COP1: variants seen among roughly 807,000 people sequenced by gnomAD.
COP1 encodes the protein E3 ubiquitin-protein ligase COP1.
COP1 carries 24 observed loss-of-function variants against 101.3 expected under a neutral mutation model. That is an observed-to-expected ratio of 0.24 (90% confidence interval 0.17 to 0.33). The LOEUF is 0.33. Among genes scored for constraint, COP1 ranks in the 10% least tolerant of loss-of-function variants. The probability of loss-of-function intolerance (pLI) is 1.00; values close to 1 mark genes in which losing one functional copy is unlikely to be tolerated. For missense variants in COP1, 663 were observed against 906.2 expected (o/e 0.73, Z 3.45); for synonymous variants, 347 against 341.9 (o/e 1.01, Z -0.17).
rs542632559 is a variant in COP1 at position 176,012,728 on chromosome 1, G to A, written c.1729+14844C>T. Among the ~76,000 whole-genome samples, 352 of 151,950 alleles carry A rather than the reference G, an allele frequency of 2.3e-3. 8 individuals carry two copies. The highest frequency in any genetic ancestry group is 4.0e-4 in the Non-Finnish European group (27 of 67,972). ...GTAGCTTTTCTACATTTAGATACAC[G>A]AATACTTACCATTGTGCTATAATTG... On this transcript the variant is annotated intron_variant, in intron 15 of 19. Coordinates refer to ENST00000367669, the MANE Select transcript of COP1 (RefSeq NM_022457.7).
chr1:175,998,314 G>A (rs1317974142), intron 15 of COP1, among the ~76,000 whole-genome samples: 27 of 149,414 alleles, frequency 1.8e-4, no homozygotes, highest in African/African-American at 2.2e-4. Flanking sequence ...ACTGTTGTGG[G>A]GTGGGGGGAG....
intron 15 of COP1, among the ~76,000 whole-genome samples, chr1:176,023,483 C>T (rs761745496): frequency 1.8e-4 from 28 of 152,216 alleles, no homozygotes; most frequent in Non-Finnish European, 3.2e-4. Flanking sequence ...CTTTGGGAGG[C>T]TGAGGCGGGT....
chr1:176,039,195 T>C (rs988527536), intron 14 of COP1, among the ~76,000 whole-genome samples: 9 of 152,104 alleles, frequency 5.9e-5, no homozygotes, highest in African/African-American at 2.2e-4. Context: ...AATTCCCAAA[T>C]AATTCTAAGT....
intron 11 of COP1, among the ~76,000 whole-genome samples, chr1:176,050,478 C>A (rs943195948): frequency 1.3e-5 from 2 of 152,112 alleles, no homozygotes; most frequent in Non-Finnish European, 2.9e-5. Flanking sequence ...CAACTTATAT[C>A]AAATTAAAAT....
Position 176,037,551 on chromosome 1 carries a change from AAAAC to A in COP1, c.1612+5631_1612+5634del, listed in dbSNP as rs1184702513. ...CAACAAAAAAATTCACCCTCTGAAA[AAAAC>A]AAACAAACAAAAAAACCTCAAGTCA... On this transcript the variant is annotated intron_variant, in intron 14 of 19. Coordinates refer to ENST00000367669, the MANE Select transcript of COP1 (RefSeq NM_022457.7). Among the ~76,000 whole-genome samples, 20 of 152,216 alleles carry A rather than the reference AAAAC, an allele frequency of 1.3e-4. 1 individual carries two copies. Among genetic ancestry groups the A allele is most frequent in the South Asian group, 6.2e-4 (3 of 4,826 alleles).
intron 15 of COP1, among the ~76,000 whole-genome samples, chr1:175,994,376 TC>T (rs1659532471): frequency 6.6e-6 from 1 of 152,080 alleles, no homozygotes; most frequent in African/African-American, 2.4e-5. Flanking sequence ...AATGACAGGA[TC>T]AAATTCACAC....
chr1:175,955,783 C>CAA (rs1558158915), intron 18 of COP1, among the ~76,000 whole-genome samples: 1 of 139,884 alleles, frequency 7.1e-6, no homozygotes, highest in Middle Eastern at 3.4e-3. Flanking sequence ...CACACACACA[C>CAA]ACACACACAC....
intron 18 of COP1, among the ~76,000 whole-genome samples, chr1:175,955,107 T>G (rs1249466570): frequency 6.6e-6 from 1 of 151,762 alleles, no homozygotes. Flanking sequence ...ATTAGATGGG[T>G]GTGGTGGCAT....
At chr1:176,126,284 C>A (rs1315960015) in intron 8 of COP1, among the ~76,000 whole-genome samples, 1 of 152,092 alleles carries the variant, frequency 6.6e-6, no homozygotes, top group Non-Finnish European at 1.5e-5. Context: ...AGTGGGCATC[C>A]TTGTTGAGTT....
chr1:175,961,539 G>C (rs979349214), intron 18 of COP1, among the ~76,000 whole-genome samples: 1 of 151,684 alleles, frequency 6.6e-6, no homozygotes, highest in Non-Finnish European at 1.5e-5. Flanking sequence ...ACTTTTAACA[G>C]AAAGAAATAG....
intron 18 of COP1, among the ~76,000 whole-genome samples, chr1:175,976,267 A>ATTTTTTTTTTTTTTTT (rs1225101059): frequency 4.8e-5 from 2 of 41,758 alleles, no homozygotes; most frequent in Non-Finnish European, 6.1e-5. Context: ...TCAATTAGTC[A>ATTTTTTTTTTTTTTTT]TTCTTTTTTT....
intron 9 of COP1, among the ~76,000 whole-genome samples, chr1:176,088,073 G>A (rs1389314770): frequency 6.6e-6 from 1 of 152,078 alleles, no homozygotes; most frequent in African/African-American, 2.4e-5. Context: ...TTGGACACAG[G>A]AAGGGGAACA....
At chr1:176,203,112 C>T (rs921477782) in intron 1 of COP1, among the ~76,000 whole-genome samples, 1 of 151,172 alleles carries the variant, frequency 6.6e-6, no homozygotes, top group East Asian at 2.0e-4. Flanking sequence ...CAGAGGCGGG[C>T]GGATCATGAG....
At chr1:176,205,859 C>A (rs1302955622) in intron 1 of COP1, among the ~76,000 whole-genome samples, 2 of 152,194 alleles carry the variant, frequency 1.3e-5, no homozygotes, top group Non-Finnish European at 2.9e-5. Context: ...AGTACAGTTA[C>A]ATCTGACACA....
intron 18 of COP1, among the ~76,000 whole-genome samples, chr1:175,953,362 T>G (rs1650193857): frequency 6.6e-6 from 1 of 151,986 alleles, no homozygotes; most frequent in Non-Finnish European, 1.5e-5. Flanking sequence ...TAAAACCAAC[T>G]GTATTGATAA....
At chr1:176,106,496 C>T (rs1307111643) in intron 9 of COP1, among the ~76,000 whole-genome samples, 3 of 152,198 alleles carry the variant, frequency 2.0e-5, no homozygotes. Flanking sequence ...CTGACCTTCC[C>T]TAAACTGCTC....
Position 176,136,125 on chromosome 1 carries a change from TA to T in COP1, c.891+362del, listed in dbSNP as rs541376119. ...CTTATATTTCTCTTTTAATTAACCT[TA>T]ACTCCTAGAAATGCACAGAGTAGGT... On this transcript the variant is annotated intron_variant, in intron 7 of 19. Transcript: ENST00000367669. Among the ~76,000 whole-genome samples the T allele has an allele frequency of 3.0e-4, 45 of 152,144 alleles. No homozygotes were observed. In the East Asian group the frequency reaches 8.1e-3, roughly 27 times the overall value.
At chr1:175,971,546 A>G (rs1374655953) in intron 18 of COP1, among the ~76,000 whole-genome samples, 1 of 151,528 alleles carries the variant, frequency 6.6e-6, no homozygotes, top group Admixed American at 6.6e-5. Context: ...TGGGAAGAAA[A>G]TGCCAAAGTG....
intron 3 of COP1, among the ~76,000 whole-genome samples, chr1:176,171,322 C>T (rs773545572): frequency 3.3e-5 from 5 of 152,102 alleles, no homozygotes; most frequent in Non-Finnish European, 7.3e-5. Context: ...CTTGAACCAA[C>T]GTCTGTTAGC....
Sources: gnomAD v4.1 joint callset for allele counts (sites outside exome capture counted in the v4.1 genomes callset) on GRCh38, gnomAD v4.1.1 for gene constraint, MANE v1.5 for transcripts, NCBI Gene and HGNC (gene_info 2026-07-23, HGNC 2026-07-21) for gene names.